BCAT1: variants seen among roughly 807,000 people sequenced by gnomAD.
BCAT1 encodes the protein branched-chain-amino-acid aminotransferase, cytosolic.
A neutral mutation model predicts 52.4 loss-of-function variants in BCAT1; 48 were observed. That is an observed-to-expected ratio of 0.92 (90% CI 0.73 to 1.16). BCAT1 has a LOEUF of 1.16. Among genes scored for constraint, BCAT1 ranks in the 50% most tolerant of loss-of-function variants. BCAT1 has a pLI of 0.00. For missense variants in BCAT1, 451 were observed against 457.1 expected (o/e 0.99, Z 0.12); for synonymous variants, 167 against 161.3 (o/e 1.04, Z -0.27).
At chr12:24,941,722 T>C (rs141499844) in intron 1 of BCAT1, among the ~76,000 whole-genome samples, 23 of 152,314 alleles carry the variant, frequency 1.5e-4, no homozygotes, top group African/African-American at 4.8e-4. Flanking sequence ...ATTAAAGCAT[T>C]GATCAGTATC....
chr12:24,895,220 C>T lies in BCAT1; in HGVS notation c.79-745G>A, dbSNP rs16928168. Among the ~76,000 whole-genome samples, 577 of 152,216 alleles carry T rather than the reference C, an allele frequency of 3.8e-3. 12 individuals are homozygous for T. Among genetic ancestry groups the T allele is most frequent in the East Asian group, 0.028 (147 of 5,174 alleles). On this transcript the variant is annotated intron_variant, in intron 2 of 10. Transcript: ENST00000261192. ...AAACATTAAGCGTACAAATTGCATG[C>T]GATACCACCACTAACTTTATAGCAT...
chr12:24,824,268 T>TTCCTTCCTTCCTTCCTTCCTTCCC (rs1940284481), intron 10 of BCAT1, among the ~76,000 whole-genome samples: 1 of 144,522 alleles, frequency 6.9e-6, no homozygotes, highest in African/African-American at 2.6e-5. Flanking sequence ...CCTTCCTTCA[T>TTCCTTCCTTCCTTCCTTCCTTCCC]TCCCTCCCTC....
At chr12:24,919,492 A>G (rs138380785) in intron 1 of BCAT1, among the ~76,000 whole-genome samples, 44 of 152,274 alleles carry the variant, frequency 2.9e-4, no homozygotes, top group African/African-American at 1.0e-3. Flanking sequence ...TCTAAACCCC[A>G]CTTTAATGTC....
At chr12:24,909,053 A>G (rs1477555270) in intron 1 of BCAT1, among the ~76,000 whole-genome samples, 1 of 152,208 alleles carries the variant, frequency 6.6e-6, no homozygotes, top group Non-Finnish European at 1.5e-5. Context: ...AATTTTTTTA[A>G]GACCCATTTA....
At chr12:24,912,580 T>C (rs1436105475) in intron 1 of BCAT1, among the ~76,000 whole-genome samples, 3 of 149,438 alleles carry the variant, frequency 2.0e-5, no homozygotes, top group African/African-American at 7.4e-5. Flanking sequence ...AAGGAGAAAA[T>C]GGGGCCGGGC....
chr12:24,928,905 T>TTTTA (rs1555117192), intron 1 of BCAT1, among the ~76,000 whole-genome samples: 4 of 151,912 alleles, frequency 2.6e-5, no homozygotes, highest in Admixed American at 6.6e-5. Flanking sequence ...CGGCTAATTT[T>TTTTA]TTTTATTTTA....
At chr12:24,926,413 G>C (rs1943587457) in intron 1 of BCAT1, among the ~76,000 whole-genome samples, 3 of 152,320 alleles carry the variant, frequency 2.0e-5, no homozygotes, top group Admixed American at 2.0e-4. Context: ...CCCCTTCTGG[G>C]AAGTGAGGAG....
chr12:24,946,272 A>T (rs1943931636), intron 1 of BCAT1, among the ~76,000 whole-genome samples: 1 of 152,198 alleles, frequency 6.6e-6, no homozygotes, highest in Non-Finnish European at 1.5e-5. Flanking sequence ...ATTTCTAGAC[A>T]TGAGAAATAA....
chr12:24,852,421 A>AACTATC (rs1941543497), intron 5 of BCAT1, among the ~76,000 whole-genome samples: 1 of 99,778 alleles, frequency 1.0e-5, no homozygotes, highest in Non-Finnish European at 2.3e-5. Context: ...ACAAACTAAT[A>AACTATC]GCATTTTAAT....
intron 6 of BCAT1, among the ~76,000 whole-genome samples, chr12:24,847,947 A>G (rs1462742289): frequency 6.6e-6 from 1 of 152,244 alleles, no homozygotes; most frequent in East Asian, 1.9e-4. Context: ...ACTCAACAGG[A>G]TAATATTAAA....
chr12:24,922,294 A>G (rs1943509911), intron 1 of BCAT1, among the ~76,000 whole-genome samples: 1 of 152,208 alleles, frequency 6.6e-6, no homozygotes, highest in African/African-American at 2.4e-5. Flanking sequence ...TCCCCCAAGT[A>G]GCTGGGACTA....
chr12:24,819,849 T>C (rs1940042357), intron 10 of BCAT1, among the ~76,000 whole-genome samples: 1 of 152,206 alleles, frequency 6.6e-6, no homozygotes, highest in Non-Finnish European at 1.5e-5. Flanking sequence ...GCCTACAGAC[T>C]GTAACTGCCC....
At chr12:24,905,452 A>G (rs115932316) in intron 1 of BCAT1, among the ~76,000 whole-genome samples, 2,172 of 152,322 alleles carry the variant, frequency 0.014, 55 homozygotes, top group African/African-American at 0.049. Context: ...GCATGCAATA[A>G]TTATTTTGCA....
chr12:24,836,948 A>C (rs913877675), intron 7 of BCAT1, among the ~76,000 whole-genome samples: 1 of 117,234 alleles, frequency 8.5e-6, no homozygotes, highest in Non-Finnish European at 2.0e-5. Context: ...GAAAGAAAGA[A>C]AGAAAGAAAA....
intron 7 of BCAT1, among the ~76,000 whole-genome samples, chr12:24,836,945 AG>A (rs1697233259): frequency 8.0e-6 from 1 of 124,400 alleles, no homozygotes; most frequent in Non-Finnish European, 1.8e-5. Flanking sequence ...AAAGAAAGAA[AG>A]AAAGAAAGAA....
At position 24,859,391 on chromosome 12, in the gene BCAT1, C is replaced by T. The variant is rs377336067; in HGVS notation, c.511-9442G>A. ...ATACCAGCACTTTGGGAGGCTGAGG[C>T]GGGTGGATCACGAGGTCAGAAGATG... is the stretch of plus-strand genomic sequence containing the variant. On this transcript the variant is annotated intron_variant, in intron 5 of 10. Transcript: ENST00000261192. 5.1e-4 allele frequency among the ~76,000 whole-genome samples: 77 copies of T among 152,140 alleles called. No homozygotes were observed. The South Asian group carries it at 6.9e-3, about 14-fold the overall frequency.
chr12:24,913,948 G>A (rs1188842413), intron 1 of BCAT1, among the ~76,000 whole-genome samples: 2 of 152,144 alleles, frequency 1.3e-5, no homozygotes, highest in African/African-American at 4.8e-5. Flanking sequence ...GGGAAAAGGG[G>A]TTTTGTTTCT....
intron 10 of BCAT1, among the ~76,000 whole-genome samples, chr12:24,821,041 G>T (rs1940103389): frequency 1.3e-5 from 2 of 152,308 alleles, no homozygotes; most frequent in South Asian, 2.1e-4. Flanking sequence ...GGGCTGGGAA[G>T]CTGGTCCAGG....
intron 2 of BCAT1, among the ~76,000 whole-genome samples, chr12:24,901,111 C>T (rs61912176): frequency 6.6e-6 from 1 of 152,180 alleles, no homozygotes; most frequent in Non-Finnish European, 1.5e-5. Flanking sequence ...TGTGAGAGAG[C>T]TCAATGTGTG....
Sources: gnomAD v4.1 joint callset for allele counts (sites outside exome capture counted in the v4.1 genomes callset) on GRCh38, gnomAD v4.1.1 for gene constraint, MANE v1.5 for transcripts, NCBI Gene and HGNC (gene_info 2026-07-23, HGNC 2026-07-21) for gene names.